The following FANCB variants were observed in gnomAD, a reference collection of about 807,000 sequenced individuals.
FANCB encodes the protein FA complementation group B.
In FANCB, 5 loss-of-function variants were observed where a neutral mutation model predicts 38.9. That is an observed-to-expected ratio of 0.13 (90% CI 0.07 to 0.27). The LOEUF is 0.27. Ranked by LOEUF, FANCB falls within the 10% of genes least tolerant of loss-of-function variation. The pLI is 1.00. For missense variants in FANCB, 573 were observed against 602.7 expected (o/e 0.95, Z 0.52); for synonymous variants, 236 against 215.4 (o/e 1.10, Z -0.84).
At chrX:14,721,747 A>G in the FANCB span, among the ~76,000 whole-genome samples, 1 of 111,158 alleles carries the variant, frequency 9.0e-6, no homozygotes, top group Non-Finnish European at 1.9e-5. Flanking sequence ...ATTTCCTCCA[A>G]CTTCTACTTG....
At chrX:14,800,947 T>C in the FANCB span, among the ~76,000 whole-genome samples, 1 of 111,756 alleles carries the variant, frequency 8.9e-6, no homozygotes, top group South Asian at 3.7e-4. Flanking sequence ...GTAAGTAATC[T>C]GAATTCTGCT....
At chrX:14,702,702 G>A in the FANCB span, among the ~76,000 whole-genome samples, 1 of 111,535 alleles carries the variant, frequency 9.0e-6, no homozygotes, top group African/African-American at 3.3e-5. Context: ...GGTATTGGCA[G>A]GACTGCATTG....
chrX:14,742,087 A>C, the FANCB span, among the ~76,000 whole-genome samples: 2 of 111,961 alleles, frequency 1.8e-5, no homozygotes, highest in African/African-American at 6.5e-5. Flanking sequence ...GGACAAGTGC[A>C]ATTCAAATGT....
In FANCB at chrX:14,861,738, T is replaced by TA. The variant is rs199567121; in HGVS notation, c.952-2405dup. Among the ~76,000 whole-genome samples, 595 of 112,860 alleles carry TA rather than the reference T, an allele frequency of 5.3e-3. 6 individuals carry two copies. The highest frequency in any genetic ancestry group is 0.018 in the African/African-American group (557 of 31,099). On this transcript the variant is annotated intron_variant, in intron 3 of 9. Transcript: ENST00000650831. ...ACTTTTTTGCCTTAACTGTTAAAACTAAAGGTAATTGTTCAAGTGTAGTTA... is the reference window on the plus strand; with the variant it reads ...ACTTTTTTGCCTTAACTGTTAAAACTAAAAGGTAATTGTTCAAGTGTAGTTA...
At chrX:14,777,336 T>C in the FANCB span, among the ~76,000 whole-genome samples, 3 of 112,110 alleles carry the variant, frequency 2.7e-5, no homozygotes, top group African/African-American at 9.7e-5. Flanking sequence ...TTACTTATCA[T>C]CACTTCAGGA....
the FANCB span, among the ~76,000 whole-genome samples, chrX:14,729,190 A>G: frequency 1.8e-5 from 2 of 112,287 alleles, no homozygotes; most frequent in Non-Finnish European, 3.8e-5. Flanking sequence ...CTTTTGGGAA[A>G]CATAACCATT....
At chrX:14,745,043 T>C in the FANCB span, among the ~76,000 whole-genome samples, 1 of 111,932 alleles carries the variant, frequency 8.9e-6, no homozygotes, top group Non-Finnish European at 1.9e-5. Flanking sequence ...TCCTGTGGTG[T>C]GGCTGCACGA....
chrX:14,793,442 G>A, the FANCB span, among the ~76,000 whole-genome samples: 3 of 111,952 alleles, frequency 2.7e-5, no homozygotes, highest in Non-Finnish European at 5.6e-5. Context: ...TCTAAAATTG[G>A]TTGTAGTAAT....
At chrX:14,706,956 C>A in the FANCB span, among the ~76,000 whole-genome samples, 5 of 111,729 alleles carry the variant, frequency 4.5e-5, no homozygotes, top group South Asian at 1.9e-3. Flanking sequence ...AGACCTGAGA[C>A]GCCTTAATTC....
At chrX:14,817,806 G>T in the FANCB span, among the ~76,000 whole-genome samples, 2 of 111,255 alleles carry the variant, frequency 1.8e-5, no homozygotes, top group African/African-American at 3.3e-5. Context: ...GCACTTTAGG[G>T]ATTACCTAAT....
chrX:14,780,829 C>CG, the FANCB span, among the ~76,000 whole-genome samples: 3 of 100,669 alleles, frequency 3.0e-5, no homozygotes, highest in African/African-American at 1.3e-4. Context: ...TTTTTCCAAC[C>CG]ATTAAAAAAA....
chrX:14,735,838 G>A, the FANCB span, among the ~76,000 whole-genome samples: 6 of 111,557 alleles, frequency 5.4e-5, no homozygotes, highest in African/African-American at 1.6e-4. Flanking sequence ...GCCCACAGCC[G>A]CCCCTTCTCC....
chrX:14,801,637 CAT>C, the FANCB span, among the ~76,000 whole-genome samples: 1 of 111,211 alleles, frequency 9.0e-6, no homozygotes, highest in African/African-American at 3.3e-5. Context: ...ACCGTGTGTG[CAT>C]GTGTGTGTGT....
the FANCB span, among the ~76,000 whole-genome samples, chrX:14,801,346 C>G: frequency 3.2e-4 from 36 of 112,029 alleles, no homozygotes; most frequent in Admixed American, 3.3e-3. Context: ...TAATCACTTC[C>G]TCCCACAAAC....
downstream of FANCB, among the ~76,000 whole-genome samples, chrX:14,839,022 GGCTCAT>G: frequency 8.9e-6 from 1 of 111,737 alleles, no homozygotes; most frequent in South Asian, 3.7e-4. Flanking sequence ...TGGGCACAGT[GGCTCAT>G]GCCTGTAATC....
At chrX:14,735,769 G>A in the FANCB span, among the ~76,000 whole-genome samples, 2 of 112,459 alleles carry the variant, frequency 1.8e-5, no homozygotes, top group African/African-American at 6.5e-5. Flanking sequence ...CGCTGTGCTG[G>A]GAGATCTGCT....
At chrX:14,792,055 A>G in the FANCB span, among the ~76,000 whole-genome samples, 1 of 111,947 alleles carries the variant, frequency 8.9e-6, no homozygotes, top group Non-Finnish European at 1.9e-5. Flanking sequence ...ATTTATATTC[A>G]TAATCTTTTA....
the FANCB span, among the ~76,000 whole-genome samples, chrX:14,793,475 A>G: frequency 1.8e-5 from 2 of 112,343 alleles, no homozygotes; most frequent in Non-Finnish European, 1.9e-5. Context: ...CTGTGAATAT[A>G]CTTAAAACCA....
the FANCB span, among the ~76,000 whole-genome samples, chrX:14,744,586 A>G: frequency 9.3e-6 from 1 of 107,767 alleles, no homozygotes; most frequent in Non-Finnish European, 1.9e-5. Context: ...AGGAGGTGAA[A>G]AGGAAAAGGC....
Sources: allele counts gnomAD v4.1 joint callset (sites outside exome capture counted in the v4.1 genomes callset), GRCh38; gene constraint gnomAD v4.1.1; transcripts MANE v1.5; gene names NCBI Gene and HGNC (gene_info 2026-07-23, HGNC 2026-07-21).